The following MAP4 variants were observed in gnomAD, a reference collection of about 807,000 sequenced individuals.
MAP4 encodes microtubule-associated protein 4.
MAP4 carries 76 observed loss-of-function variants against 170.2 expected under a neutral mutation model. That is an observed-to-expected ratio of 0.45 (90% CI 0.37 to 0.54). The LOEUF is 0.54. Among genes scored for constraint, MAP4 ranks in the 20% least tolerant of loss-of-function variants. The pLI is 0.00. For missense variants in MAP4, 2,506 were observed against 2,748.0 expected (o/e 0.91, Z 1.97); for synonymous variants, 909 against 994.5 (o/e 0.91, Z 1.62).
chr3:48,035,547 T>C (rs1354643433), intron 1 of MAP4, among the ~76,000 whole-genome samples: 1 of 151,986 alleles, frequency 6.6e-6, no homozygotes, highest in Non-Finnish European at 1.5e-5. Context: ...GGTGGGAGGA[T>C]TGCTGGAACC....
At chr3:47,854,526 C>T (rs745577499) in intron 19 of MAP4, among the ~76,000 whole-genome samples, 11 of 152,328 alleles carry the variant, frequency 7.2e-5, no homozygotes, top group Non-Finnish European at 1.6e-4. Context: ...TCCTTGTGCT[C>T]GGGGTCTGCA....
intron 6 of MAP4, 112 bp from the exon 7 acceptor site, chr3:47,917,286 A>G: frequency 1.2e-6 from 1 of 821,712 alleles, no homozygotes; most frequent in Non-Finnish European, 2.0e-6. Context: ...GACTGTACAC[A>G]TAACTAAGAA....
intron 3 of MAP4, among the ~76,000 whole-genome samples, chr3:47,961,314 C>A (rs981165157): frequency 6.6e-6 from 1 of 152,116 alleles, no homozygotes; most frequent in Non-Finnish European, 1.5e-5. Flanking sequence ...CTAGCCTGGG[C>A]AACACAGCAA....
At chr3:47,876,318 A>C (rs891880630) in intron 11 of MAP4, among the ~76,000 whole-genome samples, 1 of 152,018 alleles carries the variant, frequency 6.6e-6, no homozygotes, top group East Asian at 1.9e-4. Context: ...TTTTTAATAA[A>C]GACGGGGTTT....
intron 2 of MAP4, among the ~76,000 whole-genome samples, chr3:47,981,704 G>T (rs896126945): frequency 2.0e-5 from 3 of 151,750 alleles, no homozygotes; most frequent in African/African-American, 7.3e-5. Context: ...GGCAGAGGTT[G>T]CAGTGAGCTG....
chr3:47,856,187 TG>T (rs1283221075), intron 18 of MAP4, among the ~76,000 whole-genome samples: 1 of 152,322 alleles, frequency 6.6e-6, no homozygotes, highest in East Asian at 1.9e-4. Flanking sequence ...CCCCTTCTCC[TG>T]TTCTTCCATC....
intron 1 of MAP4, among the ~76,000 whole-genome samples, chr3:48,015,819 CAT>C (rs777151296): frequency 2.0e-5 from 3 of 152,216 alleles, no homozygotes; most frequent in South Asian, 2.1e-4. Context: ...TTCACAGACA[CAT>C]ATGATTCCTC....
intron 2 of MAP4, among the ~76,000 whole-genome samples, chr3:47,978,376 G>A (rs2154276210): frequency 6.6e-6 from 1 of 152,250 alleles, no homozygotes; most frequent in South Asian, 2.1e-4. Flanking sequence ...GGAGTGCCAT[G>A]GTGCAACCTC....
At chr3:47,880,471 T>TTG (rs2096531027) in intron 10 of MAP4, among the ~76,000 whole-genome samples, 3 of 145,496 alleles carry the variant, frequency 2.1e-5, no homozygotes, top group Admixed American at 6.8e-5. Context: ...TTCAGTTTTT[T>TTG]TTTTTTTTTT....
intron 2 of MAP4, among the ~76,000 whole-genome samples, chr3:47,990,823 A>C (rs1472335188): frequency 8.5e-6 from 1 of 118,012 alleles, no homozygotes; most frequent in Non-Finnish European, 1.7e-5. Flanking sequence ...AAAGTCAGGA[A>C]GTACATAATT....
At chr3:47,965,605 G>GAA (rs2100074399) in intron 3 of MAP4, among the ~76,000 whole-genome samples, 1 of 152,186 alleles carries the variant, frequency 6.6e-6, no homozygotes, top group South Asian at 2.1e-4. Context: ...TAATGAGTAT[G>GAA]AAGTGATATT....
At chr3:47,988,483 T>C (rs1439122614) in intron 2 of MAP4, among the ~76,000 whole-genome samples, 3 of 152,078 alleles carry the variant, frequency 2.0e-5, no homozygotes, top group Admixed American at 2.0e-4. Context: ...GAAGTTCTGT[T>C]CTGATTAAGC....
chr3:47,899,696 G>A (rs2100028983), intron 10 of MAP4, among the ~76,000 whole-genome samples: 1 of 152,204 alleles, frequency 6.6e-6, no homozygotes, highest in Non-Finnish European at 1.5e-5. Context: ...TCAGTGAAAG[G>A]ATGGGTAGTT....
At chr3:47,879,549 T>A (rs1302196728) in intron 10 of MAP4, among the ~76,000 whole-genome samples, 1 of 152,142 alleles carries the variant, frequency 6.6e-6, no homozygotes, top group Non-Finnish European at 1.5e-5. Context: ...CAGTATACTA[T>A]CAAAACCAAG....
rs2100036274 is a variant in MAP4, at chr3:47,912,170, G to A, written c.2251C>T (p.Gln751Ter). The A allele has an allele frequency of 2.0e-6, 3 of 1,536,102 alleles. No individual in the cohort carries two copies. The highest frequency in any genetic ancestry group is 2.6e-6 in the Non-Finnish European group (3 of 1,146,882). The stretch of plus-strand genomic sequence containing the variant: ...CAGGCCTCCCTGCCAAGATCCCTCT[G>A]GGGTTCAAGTGAGTCAACATGAATA... The part of the protein sequence containing the change: ...KSIHVDSLEP[Q>*]RDLGREAWDI... Residue 751 changes from glutamine (Q) to a stop codon, truncating the protein, a stop_gained, in exon 9 of 21, where the codon CAG (glutamine) becomes TAG (stop). Transcript: ENST00000683076. LOFTEE classifies it high-confidence loss of function.
intron 10 of MAP4, among the ~76,000 whole-genome samples, chr3:47,880,899 T>C (rs2096607778): frequency 6.6e-6 from 1 of 152,208 alleles, no homozygotes; most frequent in Non-Finnish European, 1.5e-5. Flanking sequence ...TGAGATTTTG[T>C]TGTTTGATGG....
Position 47,875,851 on chromosome 3 carries a change from G to A in MAP4, c.5591C>T (p.Thr1864Ile). The change falls in exon 12 of 21, where the codon ACA becomes ATA. Residue 1864 changes from threonine (T) to isoleucine (I), a missense_variant. Around this residue, in one of 3 missense-constraint regions of MAP4, gnomAD observed 2,008 missense variants for 2,206.0 expected, o/e 0.91. Coordinates refer to ENST00000683076, the MANE Select transcript of MAP4 (RefSeq NM_001385682.1). The part of the protein sequence containing the change: ...PAKTSTSKAK[T>I]QPTSLPKQPA... ...CTGCTTAGGGAGAGAAGTGGGCTGTGTTTTGGCTTTCGATGTTGAAGTCTT... is the reference window on the plus strand; with the variant it reads ...CTGCTTAGGGAGAGAAGTGGGCTGTATTTTGGCTTTCGATGTTGAAGTCTT... 1 of 1,613,330 alleles carries A rather than the reference G, an allele frequency of 6.2e-7. No homozygotes were observed. The highest frequency in any genetic ancestry group is 8.5e-7 in the Non-Finnish European group (1 of 1,179,872).
intron 2 of MAP4, among the ~76,000 whole-genome samples, chr3:47,980,215 C>T (rs2100084687): frequency 6.6e-6 from 1 of 152,126 alleles, no homozygotes; most frequent in Admixed American, 6.6e-5. Flanking sequence ...ATCTTATATG[C>T]AATTGCATAT....
At chr3:47,869,680 CA>C (rs1463865701) in intron 15 of MAP4, among the ~76,000 whole-genome samples, 1 of 152,090 alleles carries the variant, frequency 6.6e-6, no homozygotes, top group African/African-American at 2.4e-5. Context: ...CACCCCATGC[CA>C]AATGTCCTGA....
Sources: allele counts gnomAD v4.1 joint callset (sites outside exome capture counted in the v4.1 genomes callset), GRCh38; gene constraint gnomAD v4.1.1; regional missense constraint gnomAD v4.1.1; transcripts MANE v1.5; gene names NCBI Gene and HGNC (gene_info 2026-07-23, HGNC 2026-07-21).